The following STXBP6 variants were observed in gnomAD, a reference collection of about 807,000 sequenced individuals.
The protein encoded by STXBP6 is syntaxin-binding protein 6.
STXBP6 carries 21 observed loss-of-function variants against 26.9 expected under a neutral mutation model. The observed-to-expected ratio is 0.78, with a 90% confidence interval of 0.55 to 1.12. The LOEUF (loss-of-function observed/expected upper bound fraction) is 1.12, where lower values mean the gene tolerates loss of function less well. Among genes scored for constraint, STXBP6 ranks in the 50% most tolerant of loss-of-function variants. The pLI is 0.00. For synonymous variants in STXBP6, 97 were observed against 92.6 expected (o/e 1.05, Z -0.27); for missense variants, 232 against 257.9 (o/e 0.90, Z 0.69).
At chr14:24,938,295 T>C (rs528115252) in intron 2 of STXBP6, among the ~76,000 whole-genome samples, 3 of 152,278 alleles carry the variant, frequency 2.0e-5, no homozygotes, top group African/African-American at 7.2e-5. Context: ...TAGGATGGTT[T>C]ATCTCCTAAT....
At chr14:24,958,265 T>A (rs2073407474) in intron 2 of STXBP6, among the ~76,000 whole-genome samples, 1 of 152,164 alleles carries the variant, frequency 6.6e-6, no homozygotes, top group Non-Finnish European at 1.5e-5. Context: ...CACCAAGCAC[T>A]GTATCCTCAA....
intron 2 of STXBP6, among the ~76,000 whole-genome samples, chr14:24,907,018 AG>A (rs2071407070): frequency 6.6e-6 from 1 of 152,142 alleles, no homozygotes; most frequent in African/African-American, 2.4e-5. Context: ...TGGGAAGTGT[AG>A]GGGGAAAAGG....
intron 2 of STXBP6, among the ~76,000 whole-genome samples, chr14:24,895,923 T>C (rs1343145929): frequency 1.3e-5 from 2 of 152,224 alleles, no homozygotes; most frequent in African/African-American, 4.8e-5. Context: ...ATTAACACAG[T>C]ACCAGCACAC....
intron 4 of STXBP6, among the ~76,000 whole-genome samples, chr14:24,848,816 C>T (rs2069049792): frequency 2.0e-5 from 3 of 152,152 alleles, no homozygotes. Flanking sequence ...ATACAAGTAT[C>T]TACCTCTCTG....
intron 2 of STXBP6, among the ~76,000 whole-genome samples, chr14:24,957,371 C>T (rs2073377960): frequency 6.6e-6 from 1 of 152,186 alleles, no homozygotes. Flanking sequence ...ACACTTCAAT[C>T]AAGCTAGTGG....
chr14:25,033,296 C>A (rs1256034916), intron 1 of STXBP6, among the ~76,000 whole-genome samples: 4 of 152,136 alleles, frequency 2.6e-5, no homozygotes, highest in African/African-American at 9.7e-5. Context: ...ATACCTCCAC[C>A]CGGTTCGCTC....
chr14:24,842,704 C>T (rs886943614), intron 4 of STXBP6, among the ~76,000 whole-genome samples: 5 of 151,818 alleles, frequency 3.3e-5, no homozygotes, highest in African/African-American at 1.2e-4. Context: ...GATGATTATG[C>T]CTTACTGACA....
chr14:24,868,510 C>G (rs1027519487), intron 2 of STXBP6, among the ~76,000 whole-genome samples: 2 of 152,080 alleles, frequency 1.3e-5, no homozygotes, highest in African/African-American at 4.8e-5. Context: ...GGAAACAACC[C>G]AAATGTCCCT....
chr14:24,884,147 T>G (rs1053427642), intron 2 of STXBP6, among the ~76,000 whole-genome samples: 19 of 152,184 alleles, frequency 1.2e-4, no homozygotes, highest in South Asian at 2.1e-4. Flanking sequence ...CCACAAATTA[T>G]TAAGATTCAA....
At chr14:24,987,494 A>T (rs55992748) in intron 1 of STXBP6, among the ~76,000 whole-genome samples, 3,385 of 152,352 alleles carry the variant, frequency 0.022, 108 homozygotes, top group African/African-American at 0.075. Context: ...CTGATTCTTG[A>T]AAAGCAGGCA....
rs540812169 is a variant in STXBP6 at position 24,850,758 on chromosome 14, G to A, written c.451+5178C>T. On this transcript the variant is annotated intron_variant, in intron 4 of 5. Coordinates refer to ENST00000323944, the MANE Select transcript of STXBP6 (RefSeq NM_001394410.1). ...ACAGCTAGTTTAGCACATTTACATAGCGCTGAGTAAATGATTGTGGGATCA... is the reference window on the plus strand; with the variant it reads ...ACAGCTAGTTTAGCACATTTACATAACGCTGAGTAAATGATTGTGGGATCA... Among the ~76,000 whole-genome samples the A allele has an allele frequency of 8.5e-5, 13 of 152,194 alleles. No homozygotes were observed. The South Asian group carries it at 2.5e-3, about 29-fold the overall frequency.
chr14:24,836,106 C>T (rs1349538584), intron 4 of STXBP6, among the ~76,000 whole-genome samples: 3 of 152,214 alleles, frequency 2.0e-5, no homozygotes, highest in African/African-American at 7.2e-5. Context: ...CAATAGCCTT[C>T]AGGGTGTGTA....
intron 1 of STXBP6, among the ~76,000 whole-genome samples, chr14:24,985,751 G>T (rs1312326127): frequency 2.6e-5 from 4 of 152,064 alleles, no homozygotes; most frequent in Admixed American, 2.0e-4. Flanking sequence ...CACCCTTTTG[G>T]GCCTTACACA....
chr14:24,862,024 T>G (rs2069556923), intron 2 of STXBP6, among the ~76,000 whole-genome samples: 1 of 152,172 alleles, frequency 6.6e-6, no homozygotes, highest in Non-Finnish European at 1.5e-5. Flanking sequence ...TCAAGACAGG[T>G]CTCACTCTGT....
intron 2 of STXBP6, among the ~76,000 whole-genome samples, chr14:24,964,695 G>C (rs1165140435): frequency 1.4e-5 from 2 of 145,830 alleles, no homozygotes; most frequent in Non-Finnish European, 3.0e-5. Flanking sequence ...GTAAAGGAAG[G>C]GTAACAGGAA....
chr14:24,928,571 T>C (rs770703768), intron 2 of STXBP6, among the ~76,000 whole-genome samples: 4 of 152,194 alleles, frequency 2.6e-5, no homozygotes, highest in Non-Finnish European at 5.9e-5. Context: ...TACCCAGCTT[T>C]TGACACCACT....
At chr14:24,891,300 T>C (rs941055084) in intron 2 of STXBP6, among the ~76,000 whole-genome samples, 41 of 152,180 alleles carry the variant, frequency 2.7e-4, no homozygotes, top group African/African-American at 8.0e-4. Flanking sequence ...GGGCAGTATA[T>C]TGGGGGCTTG....
rs150707690 is a variant in STXBP6 at position 24,917,329 on chromosome 14, T to C, written c.154+57336A>G. ...CATTTTCACACTTTTTGGCAAAGTA[T>C]TGGCAACGCACGTGGGGACAGAAGG... On this transcript the variant is annotated intron_variant, in intron 2 of 5. Coordinates refer to ENST00000323944, the MANE Select transcript of STXBP6 (RefSeq NM_001394410.1). 1.1e-3 allele frequency among the ~76,000 whole-genome samples: 166 copies of C among 152,178 alleles called. 1 individual carries two copies. In the Middle Eastern group the frequency reaches 0.017, roughly 16 times the overall value.
At chr14:25,031,887 C>T (rs1035509379) in intron 1 of STXBP6, among the ~76,000 whole-genome samples, 5 of 152,088 alleles carry the variant, frequency 3.3e-5, no homozygotes, top group Non-Finnish European at 7.4e-5. Context: ...AGAAATATCC[C>T]GAGGTCACTC....
Sources: allele counts gnomAD v4.1 joint callset (sites outside exome capture counted in the v4.1 genomes callset), GRCh38; gene constraint gnomAD v4.1.1; transcripts MANE v1.5; gene names NCBI Gene and HGNC (gene_info 2026-07-23, HGNC 2026-07-21).